The following ST18 variants were observed in gnomAD, a reference collection of about 807,000 sequenced individuals.
The protein encoded by ST18 is suppression of tumorigenicity 18 protein.
Under a neutral mutation model 110.0 loss-of-function variants are expected in ST18, and 50 were observed. That is an observed-to-expected ratio of 0.45 (90% CI 0.36 to 0.58). ST18 has a LOEUF of 0.58. Among genes scored for constraint, ST18 ranks in the 20% least tolerant of loss-of-function variants. The pLI is 0.00. For missense variants in ST18, 1,306 were observed against 1,280.1 expected (o/e 1.02, Z -0.31); for synonymous variants, 461 against 452.4 (o/e 1.02, Z -0.24).
chr8:52,124,572 A>G (rs1011381912), intron 23 of ST18, among the ~76,000 whole-genome samples: 6 of 152,328 alleles, frequency 3.9e-5, no homozygotes, highest in Middle Eastern at 6.8e-3. Context: ...ATAAATACAC[A>G]TTAAATTGTC....
intron 2 of ST18, among the ~76,000 whole-genome samples, chr8:52,249,569 T>C (rs567646795): frequency 6.6e-6 from 1 of 152,212 alleles, no homozygotes; most frequent in East Asian, 1.9e-4. Flanking sequence ...CAGGGTACAA[T>C]GGGCTGATGC....
chr8:52,130,450 A>G (rs540304815), intron 22 of ST18, among the ~76,000 whole-genome samples: 45 of 152,222 alleles, frequency 3.0e-4, no homozygotes, highest in African/African-American at 1.0e-3. Flanking sequence ...ACCACCATCA[A>G]TAAGCACTAC....
rs189412669 is a variant in ST18 at position 52,381,306 on chromosome 8, A to C, written c.-465+28022T>G. On this transcript the variant is annotated intron_variant, in intron 2 of 25. Transcript: ENST00000689386. ...CCATAACGTCTTCTCAGATGATTCC[A>C]GACGTCATTCCCCAACAAAGACAGT... Among the ~76,000 whole-genome samples the C allele has an allele frequency of 3.3e-3, 509 of 152,258 alleles. 5 individuals carry two copies. Among genetic ancestry groups the C allele is most frequent in the African/African-American group, 0.012 (490 of 41,526 alleles).
intron 2 of ST18, among the ~76,000 whole-genome samples, chr8:52,390,119 T>C (rs1838787533): frequency 2.0e-5 from 3 of 152,232 alleles, no homozygotes; most frequent in Non-Finnish European, 4.4e-5. Context: ...CCGTTTCCCA[T>C]GCGAGCATGC....
At chr8:52,276,152 ACGCAC>A (rs879926066) in intron 2 of ST18, among the ~76,000 whole-genome samples, 3,870 of 24,282 alleles carry the variant, frequency 0.16, 22 homozygotes, top group Middle Eastern at 0.2. Flanking sequence ...CATGCACACC[ACGCAC>A]CACACATACC....
intron 2 of ST18, among the ~76,000 whole-genome samples, chr8:52,286,173 C>T (rs1448010453): frequency 6.6e-6 from 1 of 152,206 alleles, no homozygotes; most frequent in Non-Finnish European, 1.5e-5. Context: ...GATCATATAT[C>T]AGTGAATATT....
At chr8:52,218,696 G>A (rs1010803155) in intron 5 of ST18, among the ~76,000 whole-genome samples, 2 of 151,722 alleles carry the variant, frequency 1.3e-5, no homozygotes, top group South Asian at 2.1e-4. Context: ...CACTGCACCC[G>A]GCTGCCGCTC....
chr8:52,218,491 G>T (rs187614763), intron 5 of ST18, among the ~76,000 whole-genome samples: 1 of 150,716 alleles, frequency 6.6e-6, no homozygotes, highest in Admixed American at 6.6e-5. Flanking sequence ...GGGTTCAAGC[G>T]GTTCTCCTGC....
intron 8 of ST18, among the ~76,000 whole-genome samples, chr8:52,189,469 T>C (rs2073697247): frequency 1.3e-5 from 2 of 152,180 alleles, no homozygotes; most frequent in Non-Finnish European, 2.9e-5. Context: ...GATAGATACC[T>C]TCCATAGGCC....
intron 16 of ST18, among the ~76,000 whole-genome samples, chr8:52,145,019 A>G (rs1463455099): frequency 2.6e-5 from 4 of 151,460 alleles, no homozygotes; most frequent in South Asian, 2.1e-4. Context: ...TATTGTCTCA[A>G]TGTGGAACAG....
At chr8:52,352,681 T>C in intron 2 of ST18, among the ~76,000 whole-genome samples, 1 of 152,252 alleles carries the variant, frequency 6.6e-6, no homozygotes, top group East Asian at 1.9e-4. Flanking sequence ...CTAGCGACAC[T>C]CATGAAGAAG....
At chr8:52,271,602 T>C (rs759776796) in intron 2 of ST18, among the ~76,000 whole-genome samples, 1 of 152,218 alleles carries the variant, frequency 6.6e-6, no homozygotes, top group African/African-American at 2.4e-5. Flanking sequence ...TTCCTTTAGT[T>C]TCTCTGTTCT....
chr8:52,388,522 T>C (rs1039521869), intron 2 of ST18, among the ~76,000 whole-genome samples: 3 of 152,132 alleles, frequency 2.0e-5, no homozygotes, highest in Admixed American at 6.5e-5. Flanking sequence ...TTTCCATCTG[T>C]GTTTTAAGGT....
chr8:52,149,756 G>A lies in ST18; in HGVS notation c.2028C>T (p.His676=), dbSNP rs201811832. The change falls in exon 16 of 26, where the codon CAC becomes CAT. Residue 676 remains histidine, a synonymous_variant. Coordinates refer to ENST00000689386, the MANE Select transcript of ST18 (RefSeq NM_001352837.2). ...CCTCTTTCTCCTCCTCTGTCTTCCC[G>A]TGAGTTTTGCTATAGTTGATAGGAG... is the stretch of plus-strand genomic sequence containing the variant. ...WDTPINYSKT[H]GKTEEEKEKD... is the part of the protein sequence containing the mutation. 2.0e-5 allele frequency: 32 copies of A among 1,613,892 alleles called. No homozygotes were observed. Among genetic ancestry groups the A allele is most frequent in the Admixed American group, 3.3e-5 (2 of 59,990 alleles).
At chr8:52,332,055 G>A (rs953046081) in intron 2 of ST18, among the ~76,000 whole-genome samples, 2 of 151,946 alleles carry the variant, frequency 1.3e-5, no homozygotes, top group Non-Finnish European at 2.9e-5. Flanking sequence ...ATATGTATGT[G>A]TGTATGTATA....
intron 19 of ST18, among the ~76,000 whole-genome samples, chr8:52,133,809 C>T (rs940138350): frequency 6.6e-6 from 1 of 152,004 alleles, no homozygotes; most frequent in Non-Finnish European, 1.5e-5. Context: ...TGGCTTACTG[C>T]AACCTCCAAC....
intron 2 of ST18, among the ~76,000 whole-genome samples, chr8:52,255,695 C>T (rs1589364802): frequency 6.6e-6 from 1 of 152,300 alleles, no homozygotes; most frequent in East Asian, 1.9e-4. Context: ...GCAAACTCTA[C>T]TCTGTGTCCA....
At chr8:52,127,752 A>AT in intron 22 of ST18, among the ~76,000 whole-genome samples, 1 of 151,824 alleles carries the variant, frequency 6.6e-6, no homozygotes, top group East Asian at 1.9e-4. Flanking sequence ...ATGCCACTTG[A>AT]TTTTGTGTCT....
chr8:52,334,380 GT>G (rs1811072462), intron 2 of ST18, among the ~76,000 whole-genome samples: 1 of 152,146 alleles, frequency 6.6e-6, no homozygotes, highest in African/African-American at 2.4e-5. Flanking sequence ...ACTAGTATGT[GT>G]TTTGGCTGAA....
Sources: allele counts gnomAD v4.1 joint callset (sites outside exome capture counted in the v4.1 genomes callset), GRCh38; gene constraint gnomAD v4.1.1; transcripts MANE v1.5; gene names NCBI Gene and HGNC (gene_info 2026-07-23, HGNC 2026-07-21).